The following MMS22L variants were observed in gnomAD, a reference collection of about 807,000 sequenced individuals.
The protein encoded by MMS22L is protein MMS22-like.
Under a neutral mutation model 159.1 loss-of-function variants are expected in MMS22L, and 74 were observed. The ratio of observed to expected loss-of-function variants is 0.47; its 90% CI spans 0.39 to 0.56. The LOEUF is 0.56. Among genes scored for constraint, MMS22L ranks in the 20% least tolerant of loss-of-function variants. MMS22L has a pLI of 0.00. For missense variants in MMS22L, 1,351 were observed against 1,422.1 expected, an observed-to-expected ratio of 0.95 and a Z score of 0.80; for synonymous variants, 517 against 506.9, an observed-to-expected ratio of 1.02 and a Z score of -0.27.
intron 14 of MMS22L, among the ~76,000 whole-genome samples, chr6:97,225,130 G>A (rs1810083593): frequency 6.6e-6 from 1 of 152,108 alleles, no homozygotes; most frequent in Non-Finnish European, 1.5e-5. Context: ...TTTCAAGAAT[G>A]TAAGAATTAT....
intron 19 of MMS22L, among the ~76,000 whole-genome samples, chr6:97,170,967 C>G (rs964749310): frequency 2.6e-5 from 4 of 152,130 alleles, no homozygotes; most frequent in Non-Finnish European, 5.9e-5. Flanking sequence ...GATCACGTCA[C>G]TGCACTTCAG....
chr6:97,257,269 C>T (rs968778131), intron 9 of MMS22L, among the ~76,000 whole-genome samples: 4 of 152,174 alleles, frequency 2.6e-5, no homozygotes, highest in Non-Finnish European at 4.4e-5. Flanking sequence ...TTATGCATAA[C>T]AGATCTTATT....
intron 17 of MMS22L, 21 bp downstream of exon 17, chr6:97,179,387 A>C (rs754380166): frequency 7.5e-6 from 12 of 1,604,464 alleles, no homozygotes; most frequent in East Asian, 2.2e-5. Context: ...CATCCTCCCC[A>C]AAAAACGTAC....
At chr6:97,259,910 G>C (rs1291481334) in intron 9 of MMS22L, 1 of 152,106 alleles carries the variant, frequency 6.6e-6, no homozygotes. Context: ...TACACATTTA[G>C]AGTAAATTCC....
intron 22 of MMS22L, among the ~76,000 whole-genome samples, chr6:97,154,753 C>A (rs1251027491): frequency 6.6e-6 from 1 of 152,138 alleles, no homozygotes; most frequent in Non-Finnish European, 1.5e-5. Flanking sequence ...AACAAAAAAA[C>A]CCCAGTTGAC....
At position 97,272,858 on chromosome 6, in the gene MMS22L, T is replaced by A; in HGVS notation, c.452A>T (p.Glu151Val). The A allele has an allele frequency of 6.2e-7, 1 of 1,613,280 alleles. No homozygotes were observed. The highest frequency in any genetic ancestry group is 8.5e-7 in the Non-Finnish European group (1 of 1,179,798). The change falls in exon 6 of 25, where the codon GAG becomes GTG. Residue 151 changes from glutamate to valine, a missense_variant. Coordinates refer to ENST00000683635, the MANE Select transcript of MMS22L (RefSeq NM_001350599.2). The stretch of plus-strand genomic sequence containing the variant: ...ATAAGGATGGACAGGAACATGACTC[T>A]CAGCATTCTGTACTTTCAGATACCT... The part of the protein sequence containing the change: ...IFRYLKVQNA[E>V]SHVPVHPYEA...
At chr6:97,164,136 C>G (rs1328957118) in intron 21 of MMS22L, among the ~76,000 whole-genome samples, 1 of 151,042 alleles carries the variant, frequency 6.6e-6, no homozygotes, top group Non-Finnish European at 1.5e-5. Context: ...GTATAATGCA[C>G]TAAGGGAAGA....
intron 7 of MMS22L, among the ~76,000 whole-genome samples, chr6:97,268,440 G>A (rs1815378805): frequency 6.6e-6 from 1 of 151,848 alleles, no homozygotes; most frequent in Admixed American, 6.6e-5. Flanking sequence ...TGCCCACCTT[G>A]GCCTCCCAAA....
At chr6:97,180,231 G>A (rs575040023) in intron 16 of MMS22L, among the ~76,000 whole-genome samples, 2 of 151,926 alleles carry the variant, frequency 1.3e-5, no homozygotes, top group Admixed American at 1.3e-4. Context: ...CCTCCCAAGT[G>A]GCTGGGACTA....
intron 14 of MMS22L, among the ~76,000 whole-genome samples, chr6:97,191,125 C>T (rs1805819423): frequency 6.6e-6 from 1 of 152,072 alleles, no homozygotes; most frequent in Non-Finnish European, 1.5e-5. Flanking sequence ...ATCCATTTTG[C>T]CCCCACCTCT....
chr6:97,199,571 G>T (rs1467583378), intron 14 of MMS22L, among the ~76,000 whole-genome samples: 1 of 151,974 alleles, frequency 6.6e-6, no homozygotes, highest in East Asian at 1.9e-4. Context: ...AACCTCTTAA[G>T]CATTCTGCAT....
At chr6:97,258,636 C>T (rs1008157444) in intron 9 of MMS22L, 3 of 152,260 alleles carry the variant, frequency 2.0e-5, no homozygotes, top group Middle Eastern at 6.8e-3. Context: ...TAACTCAATT[C>T]CCCAACACAG....
At chr6:97,282,930 T>A (rs1816902586) in intron 1 of MMS22L, 166 bp downstream of exon 1, 1 of 153,894 alleles carries the variant, frequency 6.5e-6, no homozygotes, top group African/African-American at 2.4e-5. Context: ...GGGGTGGAAA[T>A]TAGGAAAGCA....
chr6:97,142,787 G>A lies in MMS22L; in HGVS notation c.*4019C>T, dbSNP rs1800701963. 6.6e-6 allele frequency: 1 copy of A among 152,102 alleles called. No individual in the cohort carries two copies. The highest frequency in any genetic ancestry group is 1.5e-5 in the Non-Finnish European group (1 of 67,984). The allele number at this position is 152,102 out of a possible 1,614,324, so 9.4% of individuals were successfully genotyped here. A position where few individuals can be genotyped will look rare whatever the true frequency, so the allele number is the denominator to read the frequency against. On this transcript the variant is annotated 3_prime_UTR_variant, in exon 25 of 25. Coordinates refer to ENST00000683635, the MANE Select transcript of MMS22L (RefSeq NM_001350599.2). ...AAAGATTCTGTGAAAGTACACAGAA[G>A]CAGGTCCGTGTAATTATTTAAGAAC...
intron 24 of MMS22L, among the ~76,000 whole-genome samples, chr6:97,147,956 A>G (rs1800991222): frequency 6.6e-6 from 1 of 152,236 alleles, no homozygotes; most frequent in South Asian, 2.1e-4. Context: ...TGGAATATGC[A>G]TATTCATTAG....
chr6:97,193,172 C>A (rs946346207), intron 14 of MMS22L, among the ~76,000 whole-genome samples: 4 of 152,238 alleles, frequency 2.6e-5, no homozygotes, highest in Admixed American at 1.3e-4. Context: ...CTGGGGAGTG[C>A]CAGGCTCTAT....
intron 3 of MMS22L, among the ~76,000 whole-genome samples, chr6:97,279,675 T>C (rs1027355984): frequency 6.6e-6 from 1 of 150,454 alleles, no homozygotes; most frequent in Non-Finnish European, 1.5e-5. Context: ...TAATCCGAGC[T>C]ACTCGGGAAG....
chr6:97,267,367 T>C (rs1372719354), intron 8 of MMS22L: 3 of 152,090 alleles, frequency 2.0e-5, no homozygotes, highest in Non-Finnish European at 2.9e-5. Flanking sequence ...TAAATCACTG[T>C]CTCCATTAAA....
chr6:97,149,637 A>G (rs1239187265), intron 24 of MMS22L, among the ~76,000 whole-genome samples: 1 of 152,216 alleles, frequency 6.6e-6, no homozygotes, highest in Non-Finnish European at 1.5e-5. Flanking sequence ...AAGGAAAAAC[A>G]TGCAAATTTA....
Sources: allele counts gnomAD v4.1 joint callset (sites outside exome capture counted in the v4.1 genomes callset), GRCh38; gene constraint gnomAD v4.1.1; transcripts MANE v1.5; gene names NCBI Gene and HGNC (gene_info 2026-07-23, HGNC 2026-07-21).